Variants in CMTM8 observed in about 807,000 individuals in gnomAD.
The protein encoded by CMTM8 is CKLF-like MARVEL transmembrane domain-containing protein 8.
Under a neutral mutation model 18.6 loss-of-function variants are expected in CMTM8, and 12 were observed. The ratio of observed to expected loss-of-function variants is 0.65; its 90% CI spans 0.41 to 1.05. The LOEUF is 1.05. CMTM8 is among the 50% of genes least tolerant of loss of function. CMTM8 has a pLI of 0.00. For synonymous variants in CMTM8, 87 were observed against 90.6 expected, an observed-to-expected ratio of 0.96 and a Z score of 0.23; for missense variants, 217 against 227.2, an observed-to-expected ratio of 0.95 and a Z score of 0.29.
At chr3:32,295,464 AAAAAAAAAAAAAAACAAAAC>A (rs1270240778) in intron 1 of CMTM8, among the ~76,000 whole-genome samples, 8 of 140,818 alleles carry the variant, frequency 5.7e-5, no homozygotes, top group African/African-American at 1.6e-4. Flanking sequence ...TCAAAAAAAA[AAAAAAAAAAAAAAACAAAAC>A]AAAACAGCGG....
chr3:32,302,210 G>A (rs1695634667), intron 1 of CMTM8, among the ~76,000 whole-genome samples: 1 of 151,962 alleles, frequency 6.6e-6, no homozygotes, highest in Non-Finnish European at 1.5e-5. Context: ...AAGGTGGGAG[G>A]ACTGCTTGAG....
At position 32,239,157 on chromosome 3, in the gene CMTM8, C is replaced by T. The variant is rs753610527; in HGVS notation, c.147+38C>T. The T allele has an allele frequency of 3.3e-5, 51 of 1,559,966 alleles. No homozygotes were observed. In the Admixed American group the frequency reaches 8.8e-4, roughly 27 times the overall value. On this transcript the variant is annotated intron_variant, in intron 1 of 3. Transcript: ENST00000307526. ...GGGCCGGGGGTGGCGGGGGGCTCAG[C>T]TGGACCCCGGCGCGTGCTTCCGCCG...
At chr3:32,302,059 A>G (rs910842359) in intron 1 of CMTM8, among the ~76,000 whole-genome samples, 16 of 151,680 alleles carry the variant, frequency 1.1e-4, no homozygotes, top group African/African-American at 3.9e-4. Context: ...TAGGCCAGAC[A>G]TGGTGGCTCA....
chr3:32,344,401 C>G (rs1042973182), intron 1 of CMTM8, among the ~76,000 whole-genome samples: 4 of 152,174 alleles, frequency 2.6e-5, no homozygotes, highest in East Asian at 1.9e-4. Flanking sequence ...CAACTTATGT[C>G]CTATAGCAAT....
intron 1 of CMTM8, among the ~76,000 whole-genome samples, chr3:32,320,759 G>T (rs1206939684): frequency 1.3e-5 from 2 of 152,108 alleles, no homozygotes; most frequent in Non-Finnish European, 2.9e-5. Context: ...CGGGGTGGGG[G>T]ATATGCTGGG....
intron 1 of CMTM8, among the ~76,000 whole-genome samples, chr3:32,316,147 C>T (rs1334870150): frequency 6.6e-6 from 1 of 151,218 alleles, no homozygotes; most frequent in Non-Finnish European, 1.5e-5. Flanking sequence ...CCTGCCTCAG[C>T]CTCCCGAGTA....
intron 1 of CMTM8, among the ~76,000 whole-genome samples, chr3:32,345,780 A>G (rs1290593401): frequency 4.6e-5 from 7 of 152,364 alleles, no homozygotes; most frequent in Middle Eastern, 3.4e-3. Flanking sequence ...AGCCAATGCA[A>G]TAATTCAGGA....
intron 1 of CMTM8, among the ~76,000 whole-genome samples, chr3:32,277,339 A>T (rs1037497556): frequency 1.7e-4 from 26 of 151,758 alleles, no homozygotes; most frequent in Middle Eastern, 3.4e-3. Flanking sequence ...GCTGACTTAG[A>T]GGTTTTGTCT....
chr3:32,295,075 A>G (rs146159687), intron 1 of CMTM8, among the ~76,000 whole-genome samples: 29 of 152,188 alleles, frequency 1.9e-4, no homozygotes, highest in African/African-American at 7.0e-4. Context: ...ACAAAATGAA[A>G]CAAAACAACA....
At chr3:32,331,270 A>G (rs1054804683) in intron 1 of CMTM8, among the ~76,000 whole-genome samples, 5 of 152,212 alleles carry the variant, frequency 3.3e-5, no homozygotes, top group Admixed American at 1.3e-4. Flanking sequence ...ATGAGCTATT[A>G]CCTCACACCT....
chr3:32,258,965 TCTC>T (rs1702213722), intron 1 of CMTM8: 1 of 336,678 alleles, frequency 3.0e-6, no homozygotes, highest in African/African-American at 2.2e-5. Flanking sequence ...CGTTCCACCT[TCTC>T]CTCCAACTGC....
At chr3:32,239,380 G>A (rs1018877119) in intron 1 of CMTM8, among the ~76,000 whole-genome samples, 4 of 151,226 alleles carry the variant, frequency 2.6e-5, no homozygotes, top group Non-Finnish European at 4.4e-5. Context: ...CTCGGTGGCG[G>A]CGGCAGATCC....
At chr3:32,280,481 T>C (rs1702589794) in intron 1 of CMTM8, among the ~76,000 whole-genome samples, 1 of 152,144 alleles carries the variant, frequency 6.6e-6, no homozygotes, top group African/African-American at 2.4e-5. Flanking sequence ...CTGCAATCAA[T>C]CAGACTGGTC....
intron 1 of CMTM8, among the ~76,000 whole-genome samples, chr3:32,317,034 C>T (rs1695946776): frequency 6.6e-6 from 1 of 152,170 alleles, no homozygotes; most frequent in Non-Finnish European, 1.5e-5. Flanking sequence ...ATTTCAAACG[C>T]TTCAGAGAGC....
intron 1 of CMTM8, among the ~76,000 whole-genome samples, chr3:32,341,401 G>T (rs568646454): frequency 1.5e-4 from 23 of 152,310 alleles, no homozygotes; most frequent in Non-Finnish European, 2.6e-4. Flanking sequence ...TCTAAGGCAG[G>T]CTTATGGTCT....
chr3:32,280,716 C>T lies in CMTM8; in HGVS notation c.147+41597C>T, dbSNP rs572618091. Among the ~76,000 whole-genome samples the T allele has an allele frequency of 6.6e-5, 10 of 152,068 alleles. No homozygotes were observed. The South Asian group carries it at 1.2e-3, about 19-fold the overall frequency. On this transcript the variant is annotated intron_variant, in intron 1 of 3. Coordinates refer to ENST00000307526, the MANE Select transcript of CMTM8 (RefSeq NM_178868.5). Reference sequence around the variant, plus strand: ...GAACCTGGATGACTCACAGTCAAGACCCGTCACTGGTAACATAAGTAGTCT... The same window carrying T: ...GAACCTGGATGACTCACAGTCAAGATCCGTCACTGGTAACATAAGTAGTCT...
At chr3:32,240,716 C>A (rs1353645695) in intron 1 of CMTM8, among the ~76,000 whole-genome samples, 1 of 152,126 alleles carries the variant, frequency 6.6e-6, no homozygotes, top group Non-Finnish European at 1.5e-5. Flanking sequence ...GATGGGAAAA[C>A]ATGTAAGCAA....
intron 1 of CMTM8, among the ~76,000 whole-genome samples, chr3:32,343,554 T>A (rs9840161): frequency 5.9e-5 from 9 of 152,250 alleles, no homozygotes; most frequent in Middle Eastern, 3.4e-3. Context: ...GACTTGGTTG[T>A]GTCCTTGTGC....
chr3:32,294,424 C>T (rs568363016), intron 1 of CMTM8, among the ~76,000 whole-genome samples: 1 of 152,204 alleles, frequency 6.6e-6, no homozygotes, highest in African/African-American at 2.4e-5. Flanking sequence ...TCCACGTTCC[C>T]TCTGGCTTAG....
Sources: allele counts gnomAD v4.1 joint callset (sites outside exome capture counted in the v4.1 genomes callset), GRCh38; gene constraint gnomAD v4.1.1; transcripts MANE v1.5; gene names NCBI Gene and HGNC (gene_info 2026-07-23, HGNC 2026-07-21).